C8orf34: variants seen among roughly 807,000 people sequenced by gnomAD.
The protein encoded by C8orf34 is uncharacterized protein C8orf34.
Under a neutral mutation model 68.3 loss-of-function variants are expected in C8orf34, and 65 were observed. The observed-to-expected ratio is 0.95, with a 90% CI of 0.78 to 1.17. The LOEUF (loss-of-function observed/expected upper bound fraction) is 1.17. C8orf34 is among the 50% of genes most tolerant of loss of function. The pLI is 0.00. For missense variants in C8orf34, 664 were observed against 655.4 expected (o/e 1.01, Z -0.14); for synonymous variants, 244 against 241.2 (o/e 1.01, Z -0.11).
intron 1 of C8orf34, among the ~76,000 whole-genome samples, chr8:68,418,280 C>T (rs2129623148): frequency 6.8e-6 from 1 of 146,098 alleles, no homozygotes; most frequent in South Asian, 2.3e-4. Context: ...ATTGAATACC[C>T]TTTATTTCCT....
intron 10 of C8orf34, among the ~76,000 whole-genome samples, chr8:68,745,540 G>C (rs1822460680): frequency 6.6e-6 from 1 of 151,984 alleles, no homozygotes; most frequent in Admixed American, 6.6e-5. Context: ...ATGGAGGAAG[G>C]TCTACCAAGC....
intron 12 of C8orf34, chr8:68,792,571 C>CAAAAAAAAAAAAAAAAAAAA (rs1162293308): frequency 9.5e-5 from 4 of 42,276 alleles, no homozygotes; most frequent in South Asian, 1.1e-3. Flanking sequence ...GACTCCATCT[C>CAAAAAAAAAAAAAAAAAAAA]AAAAAAAAAA....
intron 10 of C8orf34, among the ~76,000 whole-genome samples, chr8:68,754,678 C>A (rs936246374): frequency 6.6e-6 from 1 of 152,158 alleles, no homozygotes; most frequent in Admixed American, 6.5e-5. Flanking sequence ...GACAGAAATA[C>A]GATGACCACT....
At chr8:68,768,679 A>T (rs1823251975) in intron 10 of C8orf34, among the ~76,000 whole-genome samples, 1 of 152,198 alleles carries the variant, frequency 6.6e-6, no homozygotes, top group South Asian at 2.1e-4. Flanking sequence ...ACTGAAAACA[A>T]ATTATTTGCA....
chr8:68,745,980 T>G (rs1051362414), intron 10 of C8orf34, among the ~76,000 whole-genome samples: 3 of 152,090 alleles, frequency 2.0e-5, no homozygotes, highest in Non-Finnish European at 2.9e-5. Context: ...ACCACATACT[T>G]GGAAGTAAAG....
intron 6 of C8orf34, among the ~76,000 whole-genome samples, chr8:68,531,588 T>G (rs1390587716): frequency 2.6e-5 from 4 of 152,148 alleles, no homozygotes; most frequent in Non-Finnish European, 2.9e-5. Context: ...TGTCCAGTAT[T>G]ATTGGTGATG....
At chr8:68,479,000 C>T (rs1036086139) in intron 4 of C8orf34, among the ~76,000 whole-genome samples, 2 of 152,052 alleles carry the variant, frequency 1.3e-5, no homozygotes, top group Admixed American at 1.3e-4. Context: ...TGACTGGGGG[C>T]TTATTTTATT....
intron 7 of C8orf34, among the ~76,000 whole-genome samples, chr8:68,620,978 C>A (rs573994805): frequency 2.1e-4 from 32 of 151,794 alleles, no homozygotes; most frequent in Non-Finnish European, 3.5e-4. Flanking sequence ...AAATAGTGAT[C>A]CATAGAGTTA....
intron 11 of C8orf34, among the ~76,000 whole-genome samples, chr8:68,777,006 C>T (rs978318593): frequency 6.6e-6 from 1 of 152,194 alleles, no homozygotes; most frequent in Admixed American, 6.5e-5. Context: ...GGACTGATGG[C>T]AAACTATTGC....
chr8:68,607,455 T>C (rs1489927939), intron 7 of C8orf34, among the ~76,000 whole-genome samples: 1 of 152,104 alleles, frequency 6.6e-6, no homozygotes, highest in Non-Finnish European at 1.5e-5. Context: ...GATGTCTGTG[T>C]CCACATTTCT....
chr8:68,442,661 A>G (rs1810960520), intron 2 of C8orf34, among the ~76,000 whole-genome samples: 1 of 152,182 alleles, frequency 6.6e-6, no homozygotes, highest in Non-Finnish European at 1.5e-5. Context: ...AGATTGTGAT[A>G]TTTGAGATCA....
chr8:68,772,702 CCTCT>C (rs1347550568), intron 10 of C8orf34, among the ~76,000 whole-genome samples: 27 of 147,824 alleles, frequency 1.8e-4, no homozygotes, highest in Non-Finnish European at 3.0e-4. Context: ...TCCCTCCCTC[CCTCT>C]CTTTCTTTCT....
intron 8 of C8orf34, among the ~76,000 whole-genome samples, chr8:68,665,817 T>C (rs1216887431): frequency 6.9e-6 from 1 of 144,900 alleles, no homozygotes; most frequent in African/African-American, 2.5e-5. Context: ...CAAAGTATCG[T>C]CACTTATTAT....
intron 8 of C8orf34, among the ~76,000 whole-genome samples, chr8:68,668,489 A>G (rs139164713): frequency 6.6e-5 from 10 of 152,260 alleles, no homozygotes; most frequent in Non-Finnish European, 8.8e-5. Flanking sequence ...AGAAAAATGG[A>G]AAGTCTGATT....
chr8:68,717,414 A>G (rs954255740), intron 9 of C8orf34, among the ~76,000 whole-genome samples: 13 of 151,230 alleles, frequency 8.6e-5, no homozygotes, highest in African/African-American at 3.2e-4. Context: ...AATGGCATGA[A>G]CCCGGAAGGA....
chr8:68,517,579 T>A (rs1814573832), intron 5 of C8orf34, among the ~76,000 whole-genome samples: 1 of 152,214 alleles, frequency 6.6e-6, no homozygotes, highest in Non-Finnish European at 1.5e-5. Context: ...AATATCACAC[T>A]GTTTATTCTC....
chr8:68,785,473 C>G (rs1823819094), intron 11 of C8orf34, among the ~76,000 whole-genome samples: 1 of 152,136 alleles, frequency 6.6e-6, no homozygotes, highest in Non-Finnish European at 1.5e-5. Context: ...AACCCGTACT[C>G]CTATGGAAAG....
intron 10 of C8orf34, among the ~76,000 whole-genome samples, chr8:68,747,672 T>C (rs1394491101): frequency 6.6e-6 from 1 of 152,052 alleles, no homozygotes; most frequent in Non-Finnish European, 1.5e-5. Flanking sequence ...GGAATCCAAC[T>C]TTCAAGGGAT....
At chr8:68,603,048 G>A (rs1489588130) in intron 7 of C8orf34, among the ~76,000 whole-genome samples, 1 of 152,030 alleles carries the variant, frequency 6.6e-6, no homozygotes, top group Non-Finnish European at 1.5e-5. Flanking sequence ...TCACAGCCTT[G>A]CCACCCTTAA....
Sources: gnomAD v4.1 joint callset for allele counts (sites outside exome capture counted in the v4.1 genomes callset) on GRCh38, gnomAD v4.1.1 for gene constraint, MANE v1.5 for transcripts, NCBI Gene and HGNC (gene_info 2026-07-23, HGNC 2026-07-21) for gene names.